FBN1: variants seen among roughly 807,000 people sequenced by gnomAD.
FBN1 encodes the protein fibrillin-1.
Under a neutral mutation model 365.1 loss-of-function variants are expected in FBN1, and 29 were observed. That is an observed-to-expected ratio of 0.08 (90% CI 0.06 to 0.11). The LOEUF (loss-of-function observed/expected upper bound fraction) is 0.11, where lower values mean the gene tolerates loss of function less well. FBN1 is among the 10% of genes least tolerant of loss of function. The pLI, the probability that FBN1 is intolerant of heterozygous loss-of-function variation, is 1.00. For synonymous variants in FBN1, 1,210 were observed against 1,270.5 expected (o/e 0.95, Z 1.01); for missense variants, 2,476 against 3,703.2 (o/e 0.67, Z 8.60).
chr15:48,579,031 G>GA (rs112980113), intron 6 of FBN1, among the ~76,000 whole-genome samples: 1,835 of 130,984 alleles, frequency 0.014, 34 homozygotes, highest in African/African-American at 0.038. Flanking sequence ...TAAAAAAGGG[G>GA]AAAAAAAAAA....
intron 18 of FBN1, among the ~76,000 whole-genome samples, chr15:48,498,265 C>G (rs1473591447): frequency 6.6e-6 from 1 of 152,112 alleles, no homozygotes; most frequent in Non-Finnish European, 1.5e-5. Context: ...TCTCCTCTTT[C>G]CTCCTCTAAA....
intron 6 of FBN1, among the ~76,000 whole-genome samples, chr15:48,577,311 T>G (rs528993001): frequency 1.3e-5 from 2 of 152,298 alleles, no homozygotes; most frequent in South Asian, 4.1e-4. Context: ...AGATTCTGAA[T>G]CCCTAATTAC....
intron 4 of FBN1, among the ~76,000 whole-genome samples, chr15:48,603,547 T>C (rs535170428): frequency 6.6e-6 from 1 of 152,322 alleles, no homozygotes; most frequent in East Asian, 1.9e-4. Flanking sequence ...TTGGATTCAG[T>C]CCTGCCATTG....
chr15:48,420,212 C>CA (rs5812450), intron 63 of FBN1, among the ~76,000 whole-genome samples: 115,744 of 152,090 alleles, frequency 0.76, 44,279 homozygotes, highest in East Asian at 0.89. Context: ...CAAAACAAAA[C>CA]AAAACACACA....
intron 32 of FBN1, among the ~76,000 whole-genome samples, chr15:48,478,848 A>G (rs1383907390): frequency 1.3e-5 from 2 of 152,202 alleles, no homozygotes; most frequent in African/African-American, 4.8e-5. Flanking sequence ...GGGGGAAAAA[A>G]CATGTTTATT....
chr15:48,645,087 G>A, intron 1 of FBN1, 137 bp from the exon 2 acceptor site: 1 of 220,546 alleles, frequency 4.5e-6, no homozygotes, highest in Non-Finnish European at 8.7e-6. Context: ...AGGGAAGACC[G>A]TTTGGTCCAC....
intron 42 of FBN1, among the ~76,000 whole-genome samples, chr15:48,461,239 A>C (rs1403483254): frequency 6.6e-6 from 1 of 152,216 alleles, no homozygotes; most frequent in African/African-American, 2.4e-5. Flanking sequence ...TTCACAGCTA[A>C]TGAAAAGCCA....
At chr15:48,446,601 A>G (rs2043161061) in intron 47 of FBN1, 105 bp downstream of exon 47, 3 of 779,072 alleles carry the variant, frequency 3.9e-6, no homozygotes, top group Non-Finnish European at 7.0e-6. Flanking sequence ...TGCATAAGAT[A>G]GCATACATTT....
At chr15:48,604,613 T>C (rs2044592402) in intron 4 of FBN1, among the ~76,000 whole-genome samples, 2 of 152,108 alleles carry the variant, frequency 1.3e-5, no homozygotes, top group Admixed American at 6.6e-5. Flanking sequence ...TAAATGACAG[T>C]AGTGATAAAG....
intron 2 of FBN1, among the ~76,000 whole-genome samples, chr15:48,620,257 T>C (rs1889741344): frequency 6.6e-6 from 1 of 152,176 alleles, no homozygotes; most frequent in African/African-American, 2.4e-5. Context: ...GAGATGACGA[T>C]GTATGTAATG....
intron 2 of FBN1, among the ~76,000 whole-genome samples, chr15:48,621,408 G>T (rs1043621237): frequency 1.3e-5 from 2 of 152,092 alleles, no homozygotes; most frequent in Non-Finnish European, 2.9e-5. Context: ...TTACCTCTGT[G>T]GTCTTTTTCC....
intron 6 of FBN1, among the ~76,000 whole-genome samples, chr15:48,539,096 G>C (rs1218290401): frequency 1.3e-5 from 2 of 152,074 alleles, no homozygotes; most frequent in Non-Finnish European, 2.9e-5. Flanking sequence ...TTATCTGCTG[G>C]CATCCCTCTA....
At chr15:48,456,822 A>C (rs2043242625) in intron 43 of FBN1, 60 bp from the exon 44 acceptor site, 6 of 1,513,108 alleles carry the variant, frequency 4.0e-6, no homozygotes, top group Non-Finnish European at 5.4e-6. Flanking sequence ...GTGCAGGGTA[A>C]GACAAGATGG....
At chr15:48,493,094 C>A (rs2043575631) in intron 23 of FBN1, among the ~76,000 whole-genome samples, 2 of 152,162 alleles carry the variant, frequency 1.3e-5, no homozygotes, top group Non-Finnish European at 2.9e-5. Context: ...AATTCTAACT[C>A]AGCCATGGTC....
chr15:48,637,526 A>G (rs537511332), intron 2 of FBN1, among the ~76,000 whole-genome samples: 1 of 152,252 alleles, frequency 6.6e-6, no homozygotes, highest in African/African-American at 2.4e-5. Context: ...ACCCTGCCCA[A>G]CTGCAGTCAA....
intron 46 of FBN1, among the ~76,000 whole-genome samples, chr15:48,447,536 G>T (rs2043169376): frequency 6.6e-6 from 1 of 152,090 alleles, no homozygotes; most frequent in African/African-American, 2.4e-5. Flanking sequence ...CATCACAGCA[G>T]CTAGCATATT....
At position 48,421,988 on chromosome 15, in the gene FBN1, G is replaced by A; in HGVS notation, c.7534C>T (p.Pro2512Ser). The change falls in exon 61 of 66, where the codon CCT becomes TCT. Residue 2512 changes from proline (P) to serine (S), a missense_variant. Transcript: ENST00000316623. ...NTIGGFTCKC[P>S]PGFTQHHTSC... ...GTATGGTGTTGGGTAAATCCGGGAG[G>A]ACATTTGCATGTGAAGCCGCCAATG... The A allele has an allele frequency of 1.2e-6, 2 of 1,614,006 alleles. No homozygotes were observed. The highest frequency in any genetic ancestry group is 1.7e-6 in the Non-Finnish European group (2 of 1,179,896).
chr15:48,455,553 G>A (rs966271862), intron 44 of FBN1, among the ~76,000 whole-genome samples: 22 of 152,196 alleles, frequency 1.4e-4, no homozygotes, highest in African/African-American at 5.3e-4. Context: ...ATCATCTGCC[G>A]TGGGTTCCCT....
At position 48,487,091 on chromosome 15, in the gene FBN1, A is replaced by T. The variant is rs150912619; in HGVS notation, c.3573T>A (p.Asp1191Glu). 4 of 1,613,528 alleles carry T rather than the reference A, an allele frequency of 2.5e-6. No individual in the cohort carries two copies. Among genetic ancestry groups the T allele is most frequent in the African/African-American group, 1.3e-5 (1 of 74,944 alleles). The change falls in exon 29 of 66, where the codon GAT becomes GAA. Residue 1191 changes from aspartate to glutamate, a missense_variant. Physicochemically the swap from Asp to Glu is conservative, Grantham distance 45. Around this residue, in one of 5 missense-constraint regions of FBN1, gnomAD observed 1,780 missense variants for 2,840.8 expected, o/e 0.63. Coordinates refer to ENST00000316623, the MANE Select transcript of FBN1 (RefSeq NM_000138.5). ...AGAACTTACCAACACAAAATAGCCT[A>T]TCGGGAGTTGAATGGTAGCCAGGGT... ...ACNPGYHSTP[D>E]RLFCVDIDEC...
Sources: allele counts gnomAD v4.1 joint callset (sites outside exome capture counted in the v4.1 genomes callset), GRCh38; gene constraint gnomAD v4.1.1; regional missense constraint gnomAD v4.1.1; transcripts MANE v1.5; gene names NCBI Gene and HGNC (gene_info 2026-07-23, HGNC 2026-07-21).